IKZF2: variants seen among roughly 807,000 people sequenced by gnomAD.
IKZF2 encodes zinc finger protein Helios.
In IKZF2, 15 loss-of-function variants were observed where a neutral mutation model predicts 49.2. That is an observed-to-expected ratio of 0.30 (90% CI 0.20 to 0.47). The LOEUF (loss-of-function observed/expected upper bound fraction) is 0.47, where lower values mean the gene tolerates loss of function less well. IKZF2 is among the 20% of genes least tolerant of loss of function. The pLI, the probability that IKZF2 is intolerant of heterozygous loss-of-function variation, is 1.00. For missense variants in IKZF2, 567 were observed against 664.6 expected (o/e 0.85, Z 1.61); for synonymous variants, 227 against 221.4 (o/e 1.03, Z -0.23).
At position 213,007,224 on chromosome 2, in the gene IKZF2, T is replaced by C; in HGVS notation, c.*136A>G. 1 of 958,180 alleles carries C rather than the reference T, an allele frequency of 1.0e-6. No individual in the cohort carries two copies. The highest frequency in any genetic ancestry group is 1.5e-6 in the Non-Finnish European group (1 of 662,364). 59.4% of individuals were successfully genotyped at this position (958,180 alleles called of 1,614,324 possible). ...AGCAAATGACACTGCCTCCACAAAA[T>C]AAGAATTATCAACAGTAATAATATT... On this transcript the variant is annotated 3_prime_UTR_variant, in exon 9 of 9. Coordinates refer to ENST00000434687, the MANE Select transcript of IKZF2 (RefSeq NM_001387220.1).
chr2:213,049,926 A>C, intron 5 of IKZF2, 46 bp from the exon 6 acceptor site: 2 of 1,361,278 alleles, frequency 1.5e-6, no homozygotes, highest in South Asian at 3.8e-5. Context: ...GGGTATGTGC[A>C]AGTGACTAAT....
intron 4 of IKZF2, among the ~76,000 whole-genome samples, chr2:213,065,347 T>C (rs1188427103): frequency 2.0e-5 from 3 of 152,086 alleles, no homozygotes; most frequent in African/African-American, 7.2e-5. Context: ...TGTAAGGTCC[T>C]TGAGAGGAAA....
At chr2:213,070,158 C>T (rs1168924344) in intron 4 of IKZF2, among the ~76,000 whole-genome samples, 4 of 152,034 alleles carry the variant, frequency 2.6e-5, no homozygotes, top group African/African-American at 4.8e-5. Flanking sequence ...TTCCAGCTGA[C>T]ACAAGAATTA....
At chr2:213,148,768 C>T in intron 2 of IKZF2, 124 bp from the exon 3 acceptor site, 2 of 713,338 alleles carry the variant, frequency 2.8e-6, no homozygotes, top group Non-Finnish European at 4.9e-6. Flanking sequence ...TGCCCAGAAA[C>T]ATACACAGTG....
chr2:213,073,465 T>C (rs187204985), intron 4 of IKZF2, among the ~76,000 whole-genome samples: 14 of 152,250 alleles, frequency 9.2e-5, no homozygotes, highest in South Asian at 2.1e-4. Context: ...TAGTAATCCA[T>C]TATTGACATG....
At chr2:213,133,813 T>G (rs2060560674) in intron 4 of IKZF2, among the ~76,000 whole-genome samples, 1 of 152,140 alleles carries the variant, frequency 6.6e-6, no homozygotes, top group Non-Finnish European at 1.5e-5. Flanking sequence ...GCATAAATAT[T>G]AAGCTCAAGT....
rs183180637 is a variant in IKZF2, at chr2:213,107,861, G to C, written c.139+39847C>G. ...TGCTGAATTCGAAATCAAAAGACCTGAAGTTTACCTGTGTTCTAACTGTGT... is the reference window on the plus strand; with the variant it reads ...TGCTGAATTCGAAATCAAAAGACCTCAAGTTTACCTGTGTTCTAACTGTGT... On this transcript the variant is annotated intron_variant, in intron 4 of 8. Transcript: ENST00000434687. Among the ~76,000 whole-genome samples, 7 of 152,242 alleles carry C rather than the reference G, an allele frequency of 4.6e-5. No homozygotes were observed. In the East Asian group the frequency reaches 5.8e-4, roughly 13 times the overall value.
At position 213,133,404 on chromosome 2, in the gene IKZF2, C is replaced by T. The variant is rs557975196; in HGVS notation, c.139+14304G>A. On this transcript the variant is annotated intron_variant, in intron 4 of 8. Transcript: ENST00000434687. Reference sequence around the variant, plus strand: ...TTTATATACCACAGAGGGAGAGAAACAGGAAAACTTGCTCAATTCTGTAAT... The same window carrying T: ...TTTATATACCACAGAGGGAGAGAAATAGGAAAACTTGCTCAATTCTGTAAT... Among the ~76,000 whole-genome samples, 4 of 152,236 alleles carry T rather than the reference C, an allele frequency of 2.6e-5. No homozygotes were observed. The East Asian group carries it at 7.7e-4, about 29-fold the overall frequency.
Position 213,107,458 on chromosome 2 carries a change from A to T in IKZF2, c.139+40250T>A, listed in dbSNP as rs542822891. On this transcript the variant is annotated intron_variant, in intron 4 of 8. Transcript: ENST00000434687. ...TACACGCACTTTCCATTAGTATCAC[A>T]AAATTCTAATTGTAGAATTGTCTCT... Among the ~76,000 whole-genome samples the T allele has an allele frequency of 1.0e-3, 155 of 152,326 alleles. 1 individual carries two copies. The highest frequency in any genetic ancestry group is 3.5e-3 in the African/African-American group (146 of 41,584).
chr2:213,073,739 T>C (rs1299829035), intron 4 of IKZF2, among the ~76,000 whole-genome samples: 6 of 152,226 alleles, frequency 3.9e-5, no homozygotes, highest in Admixed American at 6.5e-5. Context: ...AGATGGAGTC[T>C]TGCTCTGTCG....
intron 4 of IKZF2, among the ~76,000 whole-genome samples, chr2:213,089,581 C>T (rs1249906323): frequency 6.6e-6 from 1 of 152,198 alleles, no homozygotes; most frequent in Non-Finnish European, 1.5e-5. Context: ...AAGAATGATT[C>T]TAACTAGAAA....
At chr2:213,135,121 G>A (rs1384750981) in intron 4 of IKZF2, among the ~76,000 whole-genome samples, 5 of 152,102 alleles carry the variant, frequency 3.3e-5, no homozygotes, top group Admixed American at 6.5e-5. Context: ...AGCAACATTC[G>A]AGGGAATTTT....
intron 4 of IKZF2, among the ~76,000 whole-genome samples, chr2:213,106,341 T>A (rs919600236): frequency 2.0e-5 from 3 of 150,516 alleles, no homozygotes; most frequent in African/African-American, 7.3e-5. Flanking sequence ...TAACTACTCT[T>A]ACGAAAAAAA....
intron 6 of IKZF2, among the ~76,000 whole-genome samples, chr2:213,030,127 T>C (rs1414298479): frequency 2.0e-5 from 3 of 152,146 alleles, no homozygotes; most frequent in African/African-American, 7.2e-5. Flanking sequence ...ATTTGACTTA[T>C]GCTTTTTTTG....
chr2:213,124,228 GCACACATGCGCT>G (rs1559303770), intron 4 of IKZF2, among the ~76,000 whole-genome samples: 138 of 136,502 alleles, frequency 1.0e-3, no homozygotes, highest in African/African-American at 3.5e-3. Context: ...TTGTGTGCAC[GCACACATGCGCT>G]CGCGCGCGCG....
intron 8 of IKZF2, among the ~76,000 whole-genome samples, chr2:213,013,468 C>T (rs1241180894): frequency 6.6e-6 from 1 of 151,442 alleles, no homozygotes; most frequent in Non-Finnish European, 1.5e-5. Flanking sequence ...ACAAAACTGG[C>T]CAATAGGCTG....
chr2:213,016,493 T>C (rs1373278136), intron 7 of IKZF2, among the ~76,000 whole-genome samples: 1 of 152,170 alleles, frequency 6.6e-6, no homozygotes, highest in Non-Finnish European at 1.5e-5. Flanking sequence ...TCTGATTTTG[T>C]TTTGCTTCAT....
intron 4 of IKZF2, among the ~76,000 whole-genome samples, chr2:213,080,238 T>A (rs1394119982): frequency 1.7e-5 from 2 of 119,688 alleles, no homozygotes; most frequent in Non-Finnish European, 4.0e-5. Context: ...TGTTATGATG[T>A]GATAATATGG....
intron 5 of IKZF2, among the ~76,000 whole-genome samples, chr2:213,052,980 T>C (rs1039990451): frequency 6.6e-6 from 1 of 152,150 alleles, no homozygotes; most frequent in Non-Finnish European, 1.5e-5. Flanking sequence ...TTATTTCTTG[T>C]AAATAATTTG....
Sources: gnomAD v4.1 joint callset for allele counts (sites outside exome capture counted in the v4.1 genomes callset) on GRCh38, gnomAD v4.1.1 for gene constraint, MANE v1.5 for transcripts, NCBI Gene and HGNC (gene_info 2026-07-23, HGNC 2026-07-21) for gene names.